ADGB: variants seen among roughly 807,000 people sequenced by gnomAD.
The protein encoded by ADGB is calpain-7-like protein.
In ADGB, 172 loss-of-function variants were observed where a neutral mutation model predicts 210.5. The ratio of observed to expected loss-of-function variants is 0.82; its 90% confidence interval spans 0.72 to 0.93. The LOEUF is 0.93. Among genes scored for constraint, ADGB ranks in the 40% least tolerant of loss-of-function variants. The pLI is 0.00. For synonymous variants in ADGB, 658 were observed against 662.7 expected, an observed-to-expected ratio of 0.99 and a Z score of 0.11; for missense variants, 2,025 against 1,964.8, an observed-to-expected ratio of 1.03 and a Z score of -0.58.
At chr6:146,665,061 C>T (rs1219788644) in intron 6 of ADGB, among the ~76,000 whole-genome samples, 2 of 152,058 alleles carry the variant, frequency 1.3e-5, no homozygotes, top group Non-Finnish European at 2.9e-5. Context: ...CTGGAAGATG[C>T]TCACATACAT....
intron 13 of ADGB, among the ~76,000 whole-genome samples, chr6:146,702,264 G>A (rs1431709469): frequency 2.6e-5 from 4 of 151,910 alleles, no homozygotes; most frequent in African/African-American, 7.2e-5. Context: ...ACCCACACCT[G>A]TCAACACCAA....
intron 10 of ADGB, among the ~76,000 whole-genome samples, chr6:146,689,879 A>C (rs1485272072): frequency 6.6e-6 from 1 of 152,166 alleles, no homozygotes; most frequent in East Asian, 1.9e-4. Context: ...AAGTTTTTTA[A>C]GGCACTCTAA....
chr6:146,787,561 A>T (rs1777891167), intron 32 of ADGB, among the ~76,000 whole-genome samples: 1 of 151,806 alleles, frequency 6.6e-6, no homozygotes, highest in Non-Finnish European at 1.5e-5. Context: ...TGCTCTAGGG[A>T]TATATCAACT....
chr6:146,716,050 G>C (rs948183624), intron 14 of ADGB, among the ~76,000 whole-genome samples: 1 of 114,968 alleles, frequency 8.7e-6, no homozygotes. Flanking sequence ...CCTGGACTCC[G>C]TCTCAAAAAA....
chr6:146,638,278 A>G (rs1775454414), intron 2 of ADGB, among the ~76,000 whole-genome samples: 1 of 152,046 alleles, frequency 6.6e-6, no homozygotes, highest in African/African-American at 2.4e-5. Context: ...TTTGAAGCTG[A>G]TGCAAATCTG....
chr6:146,696,912 G>A (rs6936941), intron 12 of ADGB, among the ~76,000 whole-genome samples: 2,875 of 152,066 alleles, frequency 0.019, 84 homozygotes, highest in African/African-American at 0.065. Flanking sequence ...TTACAGATTT[G>A]GCTACTGTTT....
chr6:146,813,655 C>G (rs1341462057), intron 35 of ADGB, among the ~76,000 whole-genome samples: 2 of 152,098 alleles, frequency 1.3e-5, no homozygotes, highest in Non-Finnish European at 2.9e-5. Flanking sequence ...ATTAATGAAT[C>G]AGTAAATCAA....
chr6:146,755,409 C>T (rs999682926), intron 27 of ADGB, among the ~76,000 whole-genome samples: 2 of 152,040 alleles, frequency 1.3e-5, no homozygotes, highest in East Asian at 1.9e-4. Flanking sequence ...GGATGCTATT[C>T]CCCCATGCTA....
chr6:146,789,794 C>G (rs1777928846), intron 33 of ADGB, among the ~76,000 whole-genome samples: 1 of 152,108 alleles, frequency 6.6e-6, no homozygotes, highest in Non-Finnish European at 1.5e-5. Context: ...ATATTGCTAT[C>G]TCCACTTCTA....
At chr6:146,610,890 G>A (rs1436902135) in intron 1 of ADGB, among the ~76,000 whole-genome samples, 1 of 152,138 alleles carries the variant, frequency 6.6e-6, no homozygotes, top group Non-Finnish European at 1.5e-5. Flanking sequence ...CAGGGTGGCA[G>A]GATCCATTCA....
chr6:146,762,603 A>G (rs1436914752), intron 27 of ADGB, among the ~76,000 whole-genome samples: 1 of 152,122 alleles, frequency 6.6e-6, no homozygotes, highest in African/African-American at 2.4e-5. Flanking sequence ...TGCGTGCTAC[A>G]CTGCTAAGAG....
chr6:146,621,470 C>T (rs546439579), intron 1 of ADGB, among the ~76,000 whole-genome samples: 1 of 152,160 alleles, frequency 6.6e-6, no homozygotes, highest in East Asian at 1.9e-4. Flanking sequence ...GGAGATTGAC[C>T]GTCCACCTCT....
intron 13 of ADGB, among the ~76,000 whole-genome samples, chr6:146,708,093 C>A (rs1426929668): frequency 6.6e-6 from 1 of 152,052 alleles, no homozygotes; most frequent in Non-Finnish European, 1.5e-5. Context: ...AAACTCTACA[C>A]TTTTACTCTG....
At chr6:146,721,563 C>CATGCAATAATAAGATTTTTAGAGGCGGGT in intron 17 of ADGB, 58 bp downstream of exon 17, 11 of 282,146 alleles carry the variant, frequency 3.9e-5, no homozygotes, top group Admixed American at 6.3e-5. Context: ...CAGGCTAGGG[C>CATGCAATAATAAGATTTTTAGAGGCGGGT]GTGGTGGCTC....
intron 29 of ADGB, among the ~76,000 whole-genome samples, chr6:146,780,449 G>A (rs539854663): frequency 4.6e-5 from 7 of 152,186 alleles, no homozygotes; most frequent in African/African-American, 1.7e-4. Flanking sequence ...TATGCTCTCT[G>A]TAAACAACAT....
At chr6:146,781,200 G>A (rs771486915) in intron 29 of ADGB, among the ~76,000 whole-genome samples, 7 of 139,986 alleles carry the variant, frequency 5.0e-5, no homozygotes, top group South Asian at 2.3e-4. Flanking sequence ...AAAATTAGCC[G>A]GGCGTGGTGG....
intron 11 of ADGB, among the ~76,000 whole-genome samples, 173 bp downstream of exon 11, chr6:146,691,463 T>A (rs1289764167): frequency 0.057 from 879 of 15,438 alleles, 90 homozygotes; most frequent in Non-Finnish European, 0.068. Flanking sequence ...TATATAAAAA[T>A]ATATATATAT....
intron 4 of ADGB, among the ~76,000 whole-genome samples, chr6:146,655,679 T>C (rs760723295): frequency 6.6e-6 from 1 of 152,216 alleles, no homozygotes; most frequent in African/African-American, 2.4e-5. Flanking sequence ...AATAATTTTA[T>C]GTTTTAGTAT....
At chr6:146,699,928 A>C (rs1776466160) in intron 12 of ADGB, among the ~76,000 whole-genome samples, 1 of 152,208 alleles carries the variant, frequency 6.6e-6, no homozygotes, top group South Asian at 2.1e-4. Flanking sequence ...TACTTGATTA[A>C]AGTACATGAA....
Sources: allele counts gnomAD v4.1 joint callset (sites outside exome capture counted in the v4.1 genomes callset), GRCh38; gene constraint gnomAD v4.1.1; transcripts MANE v1.5; gene names NCBI Gene and HGNC (gene_info 2026-07-23, HGNC 2026-07-21).